The following TTC7B variants were observed in gnomAD, a reference collection of about 807,000 sequenced individuals.
TTC7B encodes the protein tetratricopeptide repeat protein 7B.
Under a neutral mutation model 106.8 loss-of-function variants are expected in TTC7B, and 28 were observed. That is an observed-to-expected ratio of 0.26 (90% CI 0.19 to 0.36). The LOEUF (loss-of-function observed/expected upper bound fraction) is 0.36, where lower values mean the gene tolerates loss of function less well. Among genes scored for constraint, TTC7B ranks in the 10% least tolerant of loss-of-function variants. The probability of loss-of-function intolerance (pLI) is 1.00; values close to 1 mark genes in which losing one functional copy is unlikely to be tolerated. For synonymous variants in TTC7B, 405 were observed against 430.6 expected (o/e 0.94, Z 0.74); for missense variants, 862 against 1,076.4 (o/e 0.80, Z 2.79).
At chr14:90,795,087 C>T (rs17795074) in intron 1 of TTC7B, among the ~76,000 whole-genome samples, 77,987 of 151,832 alleles carry the variant, frequency 0.51, 22,438 homozygotes, top group Admixed American at 0.64. Flanking sequence ...CCAGGGCATA[C>T]GAGAAAATTA....
At chr14:90,566,256 A>T (rs1479594803) in intron 19 of TTC7B, among the ~76,000 whole-genome samples, 1 of 152,096 alleles carries the variant, frequency 6.6e-6, no homozygotes, top group Non-Finnish European at 1.5e-5. Context: ...AGGCAGGAGA[A>T]TCGCTTGAAC....
chr14:90,811,477 A>G (rs2140066261), intron 1 of TTC7B, among the ~76,000 whole-genome samples: 1 of 152,236 alleles, frequency 6.6e-6, no homozygotes, highest in Admixed American at 6.5e-5. Context: ...ACCATAGTCC[A>G]CCCCGACTCC....
intron 4 of TTC7B, among the ~76,000 whole-genome samples, chr14:90,737,505 C>T (rs1595336706): frequency 6.7e-6 from 1 of 148,498 alleles, no homozygotes; most frequent in Non-Finnish European, 1.5e-5. Flanking sequence ...GATGCTATGC[C>T]AAAGAAGCCA....
intron 3 of TTC7B, among the ~76,000 whole-genome samples, chr14:90,777,132 T>A (rs1008324199): frequency 7.2e-5 from 11 of 152,040 alleles, no homozygotes; most frequent in Admixed American, 6.6e-4. Flanking sequence ...CCCAACTACT[T>A]GTGAGGCTGA....
intron 15 of TTC7B, among the ~76,000 whole-genome samples, chr14:90,641,277 T>C (rs1229932263): frequency 2.6e-5 from 4 of 152,202 alleles, no homozygotes; most frequent in Admixed American, 6.5e-5. Flanking sequence ...TCCAAGGGCC[T>C]TCAGCTGTCT....
At position 90,578,486 on chromosome 14, in the gene TTC7B, G is replaced by T. The variant is rs1257902929; in HGVS notation, c.2108-178C>A. ...CAGTCCCTCCTGCCCACTCCTATATGGGGACTGGAGTCACTCGTGTTGTGG... is the reference window on the plus strand; with the variant it reads ...CAGTCCCTCCTGCCCACTCCTATATTGGGACTGGAGTCACTCGTGTTGTGG... On this transcript the variant is annotated intron_variant, in intron 18 of 19. Transcript: ENST00000328459. This position sits in a 1 kb window ranked among gnomAD's most constrained non-coding sequence, Gnocchi z 4.7. 6.6e-6 allele frequency among the ~76,000 whole-genome samples: 1 copy of T among 152,066 alleles called. No homozygotes were observed. Among genetic ancestry groups the T allele is most frequent in the African/African-American group, 2.4e-5 (1 of 41,422 alleles).
chr14:90,656,577 T>C (rs1373364345), intron 11 of TTC7B, among the ~76,000 whole-genome samples: 2 of 152,182 alleles, frequency 1.3e-5, no homozygotes, highest in Non-Finnish European at 2.9e-5. Context: ...CCTTGCTCTG[T>C]AGAAAGTCCC....
At chr14:90,699,930 A>T (rs1255886210) in intron 5 of TTC7B, among the ~76,000 whole-genome samples, 7 of 152,246 alleles carry the variant, frequency 4.6e-5, no homozygotes, top group Admixed American at 4.6e-4. Context: ...ATTCACTGAC[A>T]TAACCCAAGC....
intron 15 of TTC7B, among the ~76,000 whole-genome samples, chr14:90,643,407 CA>C (rs1201434493): frequency 4.0e-4 from 54 of 136,148 alleles, no homozygotes; most frequent in South Asian, 9.4e-4. Flanking sequence ...TATTCCGTCT[CA>C]AAAAAAAAAA....
intron 15 of TTC7B, among the ~76,000 whole-genome samples, chr14:90,627,334 A>C (rs1185852263): frequency 6.6e-6 from 1 of 152,072 alleles, no homozygotes; most frequent in Admixed American, 6.5e-5. Context: ...GGGTCGCAGC[A>C]CACAAGGCTG....
At position 90,540,118 on chromosome 14, in the gene TTC7B, T is replaced by C. The variant is rs906928015; in HGVS notation, c.*1250A>G. 2 of 152,172 alleles carry C rather than the reference T, an allele frequency of 1.3e-5. No individual in the cohort carries two copies. The highest frequency in any genetic ancestry group is 4.8e-5 in the African/African-American group (2 of 41,424). 9.4% of individuals were successfully genotyped at this position (152,172 alleles called of 1,614,324 possible). On this transcript the variant is annotated 3_prime_UTR_variant, in exon 20 of 20. Transcript: ENST00000328459. ...AGGACGCAGGAAACACGTCCCTACC[T>C]AGGGATCATCTTCAAATTATAAGTG...
chr14:90,758,786 C>G (rs906869344), intron 3 of TTC7B, among the ~76,000 whole-genome samples: 1 of 152,172 alleles, frequency 6.6e-6, no homozygotes. Context: ...CTGGGAGCCC[C>G]TCCCCAAATG....
chr14:90,747,397 A>G (rs1173674886), intron 3 of TTC7B, among the ~76,000 whole-genome samples: 1 of 152,240 alleles, frequency 6.6e-6, no homozygotes, highest in Non-Finnish European at 1.5e-5. Context: ...CATTTGCTGT[A>G]ATAAACTGTA....
chr14:90,798,260 A>T (rs561659399), intron 1 of TTC7B, among the ~76,000 whole-genome samples: 1 of 152,312 alleles, frequency 6.6e-6, no homozygotes, highest in South Asian at 2.1e-4. Context: ...GGGCTGACCC[A>T]TAGCAGGCCA....
intron 6 of TTC7B, among the ~76,000 whole-genome samples, chr14:90,693,876 C>T (rs1887568700): frequency 6.6e-6 from 1 of 152,138 alleles, no homozygotes; most frequent in South Asian, 2.1e-4. Flanking sequence ...AGAGAAAGAA[C>T]ACATAAGTCC....
intron 14 of TTC7B, 105 bp downstream of exon 14, chr14:90,646,846 T>C: frequency 9.3e-7 from 1 of 1,079,334 alleles, no homozygotes; most frequent in Non-Finnish European, 1.4e-6. Flanking sequence ...CAGGTCAGCC[T>C]CAATGGAATA....
At chr14:90,801,333 C>T (rs533898749) in intron 1 of TTC7B, among the ~76,000 whole-genome samples, 37 of 151,884 alleles carry the variant, frequency 2.4e-4, no homozygotes, top group African/African-American at 8.7e-4. Context: ...GAACGCGAAA[C>T]CACTGACACT....
intron 1 of TTC7B, among the ~76,000 whole-genome samples, chr14:90,797,713 A>C (rs1237826883): frequency 1.3e-5 from 2 of 152,192 alleles, no homozygotes; most frequent in Non-Finnish European, 2.9e-5. Context: ...TTCCAGTTTT[A>C]AGTGGTTATC....
intron 3 of TTC7B, among the ~76,000 whole-genome samples, chr14:90,756,381 T>G (rs867264319): frequency 0.02 from 768 of 39,116 alleles, 13 homozygotes; most frequent in African/African-American, 0.044. Context: ...TCTTTTTTTT[T>G]TTGTTTTTTT....
Sources: gnomAD v4.1 joint callset for allele counts (sites outside exome capture counted in the v4.1 genomes callset) on GRCh38, gnomAD v4.1.1 for gene constraint, Gnocchi (gnomAD v3.1) non-coding constraint, MANE v1.5 for transcripts, NCBI Gene and HGNC (gene_info 2026-07-23, HGNC 2026-07-21) for gene names.